ZNF20: variants seen among roughly 807,000 people sequenced by gnomAD.
ZNF20 encodes the protein zinc finger protein KOX13.
Under a neutral mutation model 11.0 loss-of-function variants are expected in ZNF20, and 9 were observed. That is an observed-to-expected ratio of 0.82 (90% CI 0.49 to 1.43). The LOEUF (loss-of-function observed/expected upper bound fraction) is 1.43. Among genes scored for constraint, ZNF20 ranks in the 40% most tolerant of loss-of-function variants. The pLI, the probability that ZNF20 is intolerant of heterozygous loss-of-function variation, is 0.00. For synonymous variants in ZNF20, 182 were observed against 213.0 expected (o/e 0.85, Z 1.27); for missense variants, 528 against 640.8 (o/e 0.82, Z 1.90).
Position 12,131,987 on chromosome 19 carries a change from A to G in ZNF20, c.*600T>C, listed in dbSNP as rs1312727760. On this transcript the variant is annotated 3_prime_UTR_variant, in exon 4 of 4. Transcript: ENST00000334213. ...AATCACTGCACAATGCAGCAGAGGA[A>G]CAAGCTCCCATCTAGTTGGTTTAAT... 1 of 152,914 alleles carries G rather than the reference A, an allele frequency of 6.5e-6. No individual in the cohort carries two copies. Among genetic ancestry groups the G allele is most frequent in the African/African-American group, 2.4e-5 (1 of 41,456 alleles). 9.5% of individuals were successfully genotyped at this position (152,914 alleles called of 1,614,324 possible).
intron 1 of ZNF20, chr19:12,137,061 T>C (rs1050223692): frequency 5.8e-5 from 14 of 241,996 alleles, no homozygotes; most frequent in South Asian, 3.5e-4. Flanking sequence ...TCCCAGCACT[T>C]TGGGAGGCCA....
At chr19:12,135,142 CTTT>C (rs35937238) in intron 3 of ZNF20, among the ~76,000 whole-genome samples, 2 of 142,212 alleles carry the variant, frequency 1.4e-5, no homozygotes, top group Admixed American at 7.0e-5. Context: ...CATTTTCTCA[CTTT>C]TTTTTTTTTT....
At position 12,133,869 on chromosome 19, in the gene ZNF20, T is replaced by C; in HGVS notation, c.317A>G (p.Glu106Gly). The C allele has an allele frequency of 6.2e-7, 1 of 1,614,260 alleles. No homozygotes were observed. The highest frequency in any genetic ancestry group is 1.1e-5 in the South Asian group (1 of 91,088). Residue 106 changes from glutamate (E) to glycine (G), a missense_variant, in exon 4 of 4, where the codon GAA becomes GGA. Transcript: ENST00000334213. ...RKTLPGITPC[E>G]SSVCGEVGTG... Reference sequence around the variant, plus strand: ...GCCAACTTCTCCACACACACTGCTTTCACATGGTGTTATTCCAGGAAGAGT... The same window carrying C: ...GCCAACTTCTCCACACACACTGCTTCCACATGGTGTTATTCCAGGAAGAGT...
chr19:12,132,781 G>C lies in ZNF20; in HGVS notation c.1405C>G (p.His469Asp). ...TTCTCTCCAGTGTGAGTCCTTTCAT[G>C]ATATCGAATGGAACTGGAACAAGTG... ...AFTCSSSIRY[H>D]ERTHTGEKPY... Residue 469 changes from histidine to aspartate, a missense_variant, in exon 4 of 4, where the codon CAT (histidine) becomes GAT (aspartate). Coordinates refer to ENST00000334213, the MANE Select transcript of ZNF20 (RefSeq NM_021143.4). 1 of 1,613,982 alleles carries C rather than the reference G, an allele frequency of 6.2e-7. No homozygotes were observed. The highest frequency in any genetic ancestry group is 8.5e-7 in the Non-Finnish European group (1 of 1,180,004).
At position 12,134,823 on chromosome 19, in the gene ZNF20, C is replaced by T. The variant is rs556936468; in HGVS notation, c.200+677G>A. The stretch of plus-strand genomic sequence containing the variant: ...TTTTAAAATTAGTATTTCTATGGGG[C>T]TTTGTAATCCTATTTTCAAGTAAAC... On this transcript the variant is annotated intron_variant, in intron 3 of 3. Transcript: ENST00000334213. Among the ~76,000 whole-genome samples the T allele has an allele frequency of 1.4e-3, 206 of 152,144 alleles. 1 individual carries two copies. Among genetic ancestry groups the T allele is most frequent in the Middle Eastern group, 3.4e-3 (1 of 294 alleles).
rs543350785 is a variant in ZNF20, at chr19:12,140,219, G to A, written c.-37C>T. 1.9e-6 allele frequency: 3 copies of A among 1,597,678 alleles called. No homozygotes were observed. The highest frequency in any genetic ancestry group is 1.3e-5 in the African/African-American group (1 of 74,688). ...TGGGTGTCCCGGTGTCCTCTCTAGG[G>A]CTCCCGTGAATAGTGCGGGTCACGG... On this transcript the variant is annotated 5_prime_UTR_variant, in exon 1 of 4. Transcript: ENST00000334213.
chr19:12,136,963 C>A, intron 1 of ZNF20: 1 of 380,252 alleles, frequency 2.6e-6, no homozygotes, highest in Non-Finnish European at 5.2e-6. Flanking sequence ...TCTTATGTTA[C>A]CTTACCATGC....
chr19:12,133,938 CCA>C lies in ZNF20; in HGVS notation c.246_247del (p.Cys82TrpfsTer10), dbSNP rs1456370679. On this transcript the variant is annotated frameshift_variant, in exon 4 of 4. Coordinates refer to ENST00000334213, the MANE Select transcript of ZNF20 (RefSeq NM_021143.4). LOFTEE classifies it low-confidence loss of function (END_TRUNC). ...ATCTGCAATCTGGTTGAAGCTTTCTCCACAGTGATGACTTTCTTTACTTTCAC... is the reference window on the plus strand; with the variant it reads ...ATCTGCAATCTGGTTGAAGCTTTCTCCAGTGATGACTTTCTTTACTTTCAC... 1 of 1,612,916 alleles carries C rather than the reference CCA, an allele frequency of 6.2e-7. No homozygotes were observed.
chr19:12,131,988 C>G lies in ZNF20; in HGVS notation c.*599G>C, dbSNP rs1171055661. 6.5e-6 allele frequency: 1 copy of G among 152,826 alleles called. No individual in the cohort carries two copies. The highest frequency in any genetic ancestry group is 2.4e-5 in the African/African-American group (1 of 41,450). The allele number at this position is 152,826 out of a possible 1,614,324, so 9.5% of individuals were successfully genotyped here. A position where few individuals can be genotyped will look rare whatever the true frequency, so the allele number is the denominator to read the frequency against. ...ATCACTGCACAATGCAGCAGAGGAA[C>G]AAGCTCCCATCTAGTTGGTTTAATC... is the stretch of plus-strand genomic sequence containing the variant. On this transcript the variant is annotated 3_prime_UTR_variant, in exon 4 of 4. Coordinates refer to ENST00000334213, the MANE Select transcript of ZNF20 (RefSeq NM_021143.4).
rs1976670947 is a variant in ZNF20, at chr19:12,134,028, A to G, written c.201-43T>C. 6 of 1,541,418 alleles carry G rather than the reference A, an allele frequency of 3.9e-6. No individual in the cohort carries two copies. The South Asian group carries it at 7.4e-5, about 19-fold the overall frequency. ...AAGCACATTATTAACGGTTTGATTA[A>G]AAGTGACTTATAGGGCCGGGCACAG... On this transcript the variant is annotated intron_variant, in intron 3 of 3. Coordinates refer to ENST00000334213, the MANE Select transcript of ZNF20 (RefSeq NM_021143.4).
chr19:12,133,980 A>C lies in ZNF20; in HGVS notation c.206T>G (p.Met69Arg). The C allele has an allele frequency of 6.2e-7, 1 of 1,601,268 alleles. No homozygotes were observed. The highest frequency in any genetic ancestry group is 1.1e-5 in the South Asian group (1 of 89,628). Residue 69 changes from methionine to arginine, a missense_variant, in exon 4 of 4, where the codon ATG becomes AGG. Transcript: ENST00000334213. The stretch of plus-strand genomic sequence containing the variant: ...TTTACTTTCACAGAGTTTCTCTCTC[A>C]TAAGACTTCAGTGAAAAATGAGAAG... ...YKNPRRNLSL[M>R]REKLCESKES...
rs1221150526 is a variant in ZNF20 at position 12,132,855 on chromosome 19, G to T, written c.1331C>A (p.Thr444Lys). 2.5e-6 allele frequency: 4 copies of T among 1,614,012 alleles called. No homozygotes were observed. ...YFSSLHIHER[T>K]HTGDKPYECK... ...CTCATATGGCTTATCTCCAGTGTGT[G>T]TCCTTTCATGTATATGCAAGGAAGA... The change falls in exon 4 of 4, where the codon ACA becomes AAA. Residue 444 changes from threonine to lysine, a missense_variant. By Grantham distance (78) the Thr-to-Lys change is moderately conservative. Transcript: ENST00000334213.
At position 12,132,669 on chromosome 19, in the gene ZNF20, T is replaced by C; in HGVS notation, c.1517A>G (p.Tyr506Cys). The part of the protein sequence containing the change: ...HERTHTGEKP[Y>C]QCKQCGKAFI... The stretch of plus-strand genomic sequence containing the variant: ...GGCTTTGCCACATTGCTTGCATTGA[T>C]AGGGTTTCTCTCCAGTGTGAGTCCT... Residue 506 changes from tyrosine (Y) to cysteine (C), a missense_variant, in exon 4 of 4, where the codon TAT (tyrosine) becomes TGT (cysteine). Physicochemically the swap from Tyr to Cys is radical, Grantham distance 194. Transcript: ENST00000334213. The C allele has an allele frequency of 6.2e-7, 1 of 1,614,120 alleles. No homozygotes were observed. The highest frequency in any genetic ancestry group is 8.5e-7 in the Non-Finnish European group (1 of 1,180,008).
rs1459900605 is a variant in ZNF20, at chr19:12,139,237, G to GTA, written c.3+941_3+942dup. Among the ~76,000 whole-genome samples, 3 of 152,196 alleles carry GTA rather than the reference G, an allele frequency of 2.0e-5. No homozygotes were observed. On this transcript the variant is annotated intron_variant, in intron 1 of 3. Coordinates refer to ENST00000334213, the MANE Select transcript of ZNF20 (RefSeq NM_021143.4). The surrounding 1 kb of genome is among the most constrained non-coding windows in gnomAD (Gnocchi z 4.0). ...ACTTCATCCTCTCCTTTTACATAGA[G>GTA]TATACCCCAAGTAACCAATGGAATC...
At chr19:12,138,969 A>G (rs1003283165) in intron 1 of ZNF20, among the ~76,000 whole-genome samples, 2 of 152,226 alleles carry the variant, frequency 1.3e-5, no homozygotes, top group South Asian at 4.1e-4. Context: ...AGACCCATAC[A>G]TTAGGAAAAT....
intron 3 of ZNF20, 102 bp downstream of exon 3, chr19:12,135,398 C>T: frequency 8.0e-7 from 1 of 1,256,742 alleles, no homozygotes; most frequent in Non-Finnish European, 1.1e-6. Flanking sequence ...CCTCGACCTC[C>T]CAAAGTGCTG....
chr19:12,136,204 C>T (rs533131340), intron 1 of ZNF20, among the ~76,000 whole-genome samples: 11 of 151,084 alleles, frequency 7.3e-5, no homozygotes, highest in Middle Eastern at 3.4e-3. Context: ...TGGAGAAACC[C>T]GTCCCTACTA....
Position 12,133,522 on chromosome 19 carries a change from TGTGAATTCGTTC to T in ZNF20, c.652_663del (p.Glu218_His221del). On this transcript the variant is annotated inframe_deletion, in exon 4 of 4. Coordinates refer to ENST00000334213, the MANE Select transcript of ZNF20 (RefSeq NM_021143.4). Reference sequence around the variant, plus strand: ...TTACACTTATATGGTTTCACACCAGTGTGAATTCGTTCATGGATAAGACATAAATTGAGAAAA... The same window carrying T: ...TTACACTTATATGGTTTCACACCAGTATGGATAAGACATAAATTGAGAAAA... 1 of 1,614,216 alleles carries T rather than the reference TGTGAATTCGTTC, an allele frequency of 6.2e-7. No individual in the cohort carries two copies. The highest frequency in any genetic ancestry group is 8.5e-7 in the Non-Finnish European group (1 of 1,180,032).
Position 12,133,802 on chromosome 19 carries a change from A to G in ZNF20, c.384T>C (p.Thr128=), listed in dbSNP as rs201262920. ...SSLNTHIRAD[T]GHKSSEYQEY... is the part of the protein sequence containing the mutation. Reference sequence around the variant, plus strand: ...CCTGATACTCAGATGACTTGTGTCCAGTGTCAGCTCTGATATGCGTATTAA... The same window carrying G: ...CCTGATACTCAGATGACTTGTGTCCGGTGTCAGCTCTGATATGCGTATTAA... The change falls in exon 4 of 4, where the codon ACT becomes ACC. Residue 128 remains threonine (T), a synonymous_variant. Coordinates refer to ENST00000334213, the MANE Select transcript of ZNF20 (RefSeq NM_021143.4). 1 of 1,614,204 alleles carries G rather than the reference A, an allele frequency of 6.2e-7. No individual in the cohort carries two copies. Among genetic ancestry groups the G allele is most frequent in the South Asian group, 1.1e-5 (1 of 91,080 alleles).
Sources: allele counts gnomAD v4.1 joint callset (sites outside exome capture counted in the v4.1 genomes callset), GRCh38; gene constraint gnomAD v4.1.1; non-coding constraint Gnocchi (gnomAD v3.1); transcripts MANE v1.5; gene names NCBI Gene and HGNC (gene_info 2026-07-23, HGNC 2026-07-21).